The following NRG3 variants were observed in gnomAD, a reference collection of about 807,000 sequenced individuals.
NRG3 encodes the protein neuregulin 3, also known as pro-neuregulin-3, membrane-bound isoform.
Under a neutral mutation model 66.9 loss-of-function variants are expected in NRG3, and 31 were observed. The ratio of observed to expected loss-of-function variants is 0.46; its 90% CI spans 0.35 to 0.63. NRG3 has a LOEUF of 0.63. Ranked by LOEUF, NRG3 falls within the 20% of genes least tolerant of loss-of-function variation. The probability of loss-of-function intolerance (pLI) is 0.00; values close to 1 mark genes in which losing one functional copy is unlikely to be tolerated. For missense variants in NRG3, 910 were observed against 878.9 expected, an observed-to-expected ratio of 1.04 and a Z score of -0.45; for synonymous variants, 393 against 359.4, an observed-to-expected ratio of 1.09 and a Z score of -1.06.
chr10:82,083,595 ATTTT>A (rs35927277), intron 1 of NRG3, among the ~76,000 whole-genome samples: 4 of 115,366 alleles, frequency 3.5e-5, no homozygotes, highest in Admixed American at 9.1e-5. Flanking sequence ...CCATTTGTTA[ATTTT>A]TTTTTTTTTT....
chr10:82,526,545 G>A (rs545991553), intron 2 of NRG3, among the ~76,000 whole-genome samples: 46 of 151,746 alleles, frequency 3.0e-4, no homozygotes, highest in African/African-American at 7.7e-4. Context: ...ATGAAAATAC[G>A]TACAAATAGT....
intron 2 of NRG3, among the ~76,000 whole-genome samples, chr10:82,555,085 G>A (rs899527706): frequency 6.6e-6 from 1 of 152,186 alleles, no homozygotes; most frequent in East Asian, 1.9e-4. Flanking sequence ...ATTGCCATAT[G>A]GCCAGTCCAT....
At chr10:82,212,703 A>G (rs945029694) in intron 1 of NRG3, among the ~76,000 whole-genome samples, 1 of 152,150 alleles carries the variant, frequency 6.6e-6, no homozygotes, top group Non-Finnish European at 1.5e-5. Context: ...GTCTTTAAAT[A>G]TTTTGATCAC....
chr10:81,996,495 C>A (rs1186556004), intron 1 of NRG3, among the ~76,000 whole-genome samples: 3 of 152,134 alleles, frequency 2.0e-5, no homozygotes, highest in South Asian at 4.1e-4. Flanking sequence ...TGGTGCAGGA[C>A]TATATTCTGA....
intron 1 of NRG3, among the ~76,000 whole-genome samples, chr10:82,012,921 T>C (rs932193937): frequency 7.2e-5 from 11 of 152,238 alleles, no homozygotes; most frequent in Non-Finnish European, 1.5e-4. Context: ...GTTTTAAACC[T>C]TCCCACATTT....
chr10:82,761,653 A>C (rs1283183708), intron 3 of NRG3, among the ~76,000 whole-genome samples: 4 of 151,996 alleles, frequency 2.6e-5, no homozygotes, highest in African/African-American at 9.7e-5. Context: ...AAGTCAATGC[A>C]TTTGAAAAAA....
intron 1 of NRG3, among the ~76,000 whole-genome samples, chr10:82,055,144 A>T (rs1008781772): frequency 6.6e-6 from 1 of 152,118 alleles, no homozygotes; most frequent in Non-Finnish European, 1.5e-5. Context: ...TGACAGGTCA[A>T]ATAAAATGAA....
rs894287174 is a variant in NRG3 at position 82,796,438 on chromosome 10, C to T, written c.1027+57788C>T. On this transcript the variant is annotated intron_variant, in intron 3 of 8. Transcript: ENST00000372141. ...AGCGAAGTCTGAAAGTGCTGCAGCC[C>T]TCTGGACCCTGTGGACTCTCAAAAC... 1.2e-4 allele frequency among the ~76,000 whole-genome samples: 18 copies of T among 152,240 alleles called. 1 individual carries two copies. In the South Asian group the frequency reaches 2.7e-3, roughly 23 times the overall value.
chr10:82,878,147 G>A (rs1841999492), intron 4 of NRG3, among the ~76,000 whole-genome samples: 1 of 151,860 alleles, frequency 6.6e-6, no homozygotes, highest in African/African-American at 2.4e-5. Context: ...TGAGAGAGAG[G>A]GAAAAGGAAG....
intron 2 of NRG3, among the ~76,000 whole-genome samples, chr10:82,557,618 A>G (rs1009873655): frequency 6.6e-6 from 1 of 152,050 alleles, no homozygotes; most frequent in Non-Finnish European, 1.5e-5. Context: ...GCTGTGCAGA[A>G]GCTCTTAAGT....
intron 1 of NRG3, among the ~76,000 whole-genome samples, chr10:81,968,291 C>G (rs150550933): frequency 0.01 from 1,574 of 152,286 alleles, 19 homozygotes; most frequent in African/African-American, 0.031. Context: ...AGACTCTATT[C>G]TCCCCAATAA....
intron 8 of NRG3, chr10:82,984,885 G>C (rs750717420): frequency 7.2e-7 from 1 of 1,394,430 alleles, no homozygotes; most frequent in Admixed American, 1.9e-5. Flanking sequence ...GTCTCAGTCT[G>C]TCACTTATTT....
chr10:82,170,284 T>C (rs1044302204), intron 1 of NRG3, among the ~76,000 whole-genome samples: 29 of 152,132 alleles, frequency 1.9e-4, no homozygotes, highest in African/African-American at 6.7e-4. Context: ...TAACATAATG[T>C]TCAGCTCACA....
At chr10:82,274,379 C>T (rs1205038271) in intron 1 of NRG3, among the ~76,000 whole-genome samples, 1 of 151,902 alleles carries the variant, frequency 6.6e-6, no homozygotes, top group African/African-American at 2.4e-5. Flanking sequence ...ATTCTGAATT[C>T]TCATATTAAA....
intron 1 of NRG3, among the ~76,000 whole-genome samples, chr10:82,266,025 A>G (rs968908985): frequency 2.0e-5 from 3 of 152,134 alleles, no homozygotes; most frequent in Non-Finnish European, 4.4e-5. Context: ...AGGGAAGGAC[A>G]TATTCAGAGA....
chr10:82,116,144 A>T (rs1241628903), intron 1 of NRG3, among the ~76,000 whole-genome samples: 1 of 152,178 alleles, frequency 6.6e-6, no homozygotes, highest in Non-Finnish European at 1.5e-5. Flanking sequence ...AAATGAAACA[A>T]TAATGACTAC....
intron 1 of NRG3, among the ~76,000 whole-genome samples, chr10:82,317,434 C>A (rs1163145360): frequency 1.3e-5 from 2 of 152,074 alleles, no homozygotes; most frequent in East Asian, 3.9e-4. Context: ...AATTAATATT[C>A]TTCTCTTTAG....
intron 4 of NRG3, among the ~76,000 whole-genome samples, chr10:82,913,001 G>A (rs1180521080): frequency 6.6e-6 from 1 of 152,124 alleles, no homozygotes; most frequent in Non-Finnish European, 1.5e-5. Flanking sequence ...CGAGGCAGGT[G>A]GATCTCAAAG....
Position 82,548,759 on chromosome 10 carries a change from A to T in NRG3, c.954-189818A>T, listed in dbSNP as rs183088054. 3.2e-3 allele frequency among the ~76,000 whole-genome samples: 489 copies of T among 151,946 alleles called. 6 individuals carry two copies. The highest frequency in any genetic ancestry group is 7.3e-3 in the African/African-American group (303 of 41,338). Reference sequence around the variant, plus strand: ...AAGGAGACAGCAGTAAAACATAAATAAATTAATTAATTAATTAAAACAAAA... The same window carrying T: ...AAGGAGACAGCAGTAAAACATAAATTAATTAATTAATTAATTAAAACAAAA... On this transcript the variant is annotated intron_variant, in intron 2 of 8. Transcript: ENST00000372141.
Sources: allele counts gnomAD v4.1 joint callset (sites outside exome capture counted in the v4.1 genomes callset), GRCh38; gene constraint gnomAD v4.1.1; transcripts MANE v1.5; gene names NCBI Gene and HGNC (gene_info 2026-07-23, HGNC 2026-07-21).